The following ADAM23 variants were observed in gnomAD, a reference collection of about 807,000 sequenced individuals.
ADAM23 encodes disintegrin and metalloproteinase domain-containing protein 23.
A neutral mutation model predicts 120.1 loss-of-function variants in ADAM23; 33 were observed. The ratio of observed to expected loss-of-function variants is 0.27; its 90% CI spans 0.21 to 0.37. The LOEUF (loss-of-function observed/expected upper bound fraction) is 0.37. Ranked by LOEUF, ADAM23 falls within the 10% of genes least tolerant of loss-of-function variation. The pLI, the probability that ADAM23 is intolerant of heterozygous loss-of-function variation, is 1.00. For synonymous variants in ADAM23, 367 were observed against 375.2 expected (o/e 0.98, Z 0.25); for missense variants, 862 against 1,058.2 (o/e 0.81, Z 2.57).
At chr2:206,608,452 T>C (rs1698769514) in intron 24 of ADAM23, among the ~76,000 whole-genome samples, 1 of 152,208 alleles carries the variant, frequency 6.6e-6, no homozygotes, top group Admixed American at 6.5e-5. Flanking sequence ...TCCCACCTCA[T>C]ACGATTTTTG....
intron 2 of ADAM23, 22 bp downstream of exon 2, chr2:206,445,546 C>G (rs1559209766): frequency 2.5e-6 from 4 of 1,579,730 alleles, no homozygotes; most frequent in Non-Finnish European, 3.5e-6. Context: ...GCTGGCTATG[C>G]AAAAGTAACT....
At chr2:206,458,893 G>A (rs1344782855) in intron 2 of ADAM23, among the ~76,000 whole-genome samples, 1 of 152,114 alleles carries the variant, frequency 6.6e-6, no homozygotes, top group Non-Finnish European at 1.5e-5. Context: ...AAATAGAATA[G>A]GACATAGACC....
intron 25 of ADAM23, among the ~76,000 whole-genome samples, chr2:206,613,662 G>T (rs1176858636): frequency 1.3e-5 from 2 of 152,102 alleles, no homozygotes; most frequent in Non-Finnish European, 2.9e-5. Context: ...ATTAAATGAT[G>T]ATACTGCTTG....
rs75263331 is a variant in ADAM23, at chr2:206,448,955, C to A, written c.432+3431C>A. 2.0e-5 allele frequency among the ~76,000 whole-genome samples: 3 copies of A among 152,318 alleles called. No individual in the cohort carries two copies. In the East Asian group the frequency reaches 5.8e-4, roughly 29 times the overall value. ...GTGGCTACCCTAGTTTATAGCTGAT[C>A]TGTCAGGAGCACAGGCCTCCATCTG... On this transcript the variant is annotated intron_variant, in intron 2 of 25. Coordinates refer to ENST00000264377, the MANE Select transcript of ADAM23 (RefSeq NM_003812.4).
chr2:206,540,358 A>C (rs1315528677), intron 4 of ADAM23, among the ~76,000 whole-genome samples: 1 of 152,002 alleles, frequency 6.6e-6, no homozygotes, highest in African/African-American at 2.4e-5. Flanking sequence ...GTGCATATAG[A>C]GGGCTGACTT....
intron 3 of ADAM23, among the ~76,000 whole-genome samples, chr2:206,522,427 A>T (rs1696863244): frequency 6.6e-6 from 1 of 152,134 alleles, no homozygotes; most frequent in Non-Finnish European, 1.5e-5. Flanking sequence ...ACACCATATA[A>T]ACAGATGTGC....
chr2:206,566,012 G>A (rs535343666), intron 14 of ADAM23, among the ~76,000 whole-genome samples: 2 of 152,128 alleles, frequency 1.3e-5, no homozygotes, highest in African/African-American at 4.8e-5. Flanking sequence ...GAAACCCTTA[G>A]CTTCCACGGT....
chr2:206,516,166 C>T (rs571463959), intron 3 of ADAM23, among the ~76,000 whole-genome samples: 1 of 151,240 alleles, frequency 6.6e-6, no homozygotes, highest in Non-Finnish European at 1.5e-5. Flanking sequence ...CACGTTCCCC[C>T]ACCCCAACTC....
At position 206,465,127 on chromosome 2, in the gene ADAM23, C is replaced by T. The variant is rs1695517718; in HGVS notation, c.433-16105C>T. Among the ~76,000 whole-genome samples the T allele has an allele frequency of 2.0e-5, 3 of 152,042 alleles. No homozygotes were observed. In the South Asian group the frequency reaches 6.2e-4, roughly 32 times the overall value. On this transcript the variant is annotated intron_variant, in intron 2 of 25. Transcript: ENST00000264377. Reference sequence around the variant, plus strand: ...GTGGTGTGATCGTTGCTCGCCGTAGCCTCAAACTTTTGGGCTTAAGCAATC... The same window carrying T: ...GTGGTGTGATCGTTGCTCGCCGTAGTCTCAAACTTTTGGGCTTAAGCAATC...
At chr2:206,573,281 C>A in intron 18 of ADAM23, 86 bp downstream of exon 18, 1 of 1,327,656 alleles carries the variant, frequency 7.5e-7, no homozygotes, top group Non-Finnish European at 1.1e-6. Context: ...AGAAGTGTTT[C>A]AGATTTAAGA....
intron 19 of ADAM23, 45 bp downstream of exon 19, chr2:206,587,420 T>A (rs762059927): frequency 2.3e-5 from 32 of 1,384,530 alleles, no homozygotes; most frequent in Non-Finnish European, 3.0e-5. Flanking sequence ...AAAGGATTCA[T>A]TGGAAAGTTT....
chr2:206,493,600 C>T (rs777502547), intron 3 of ADAM23, among the ~76,000 whole-genome samples: 37 of 152,130 alleles, frequency 2.4e-4, no homozygotes, highest in African/African-American at 7.2e-4. Context: ...CTCGAACTCC[C>T]GACCTCAGGT....
intron 3 of ADAM23, among the ~76,000 whole-genome samples, chr2:206,504,872 G>C (rs538445481): frequency 6.6e-6 from 1 of 152,252 alleles, no homozygotes; most frequent in East Asian, 1.9e-4. Context: ...GTAAGCTGTA[G>C]ATTATGTATG....
At chr2:206,571,952 G>T (rs1407328759) in intron 17 of ADAM23, 136 bp downstream of exon 17, 6 of 653,614 alleles carry the variant, frequency 9.2e-6, no homozygotes, top group Non-Finnish European at 1.0e-5. Context: ...AGTTTTCTAG[G>T]ATCGATAAAT....
chr2:206,544,802 C>T lies in ADAM23; in HGVS notation c.720+1486C>T, dbSNP rs551463256. Among the ~76,000 whole-genome samples, 8 of 151,872 alleles carry T rather than the reference C, an allele frequency of 5.3e-5. No individual in the cohort carries two copies. In the East Asian group the frequency reaches 5.8e-4, roughly 11 times the overall value. On this transcript the variant is annotated intron_variant, in intron 6 of 25. Transcript: ENST00000264377. ...TAATTTTTTGTATTTTTAGTAGAGACGGGATTTCACCGTGTTAGCCAGGAT... is the reference window on the plus strand; with the variant it reads ...TAATTTTTTGTATTTTTAGTAGAGATGGGATTTCACCGTGTTAGCCAGGAT...
Position 206,557,450 on chromosome 2 carries a change from T to C in ADAM23, c.957T>C (p.His319=), listed in dbSNP as rs1574532394. ...HKTYKKHRSS[H]AHTNNFAKSV... ...AGTATAAGAAGCATCGCTCTTCTCA[T>C]GCACATACCAACAACTTTGCAAAGT... The change falls in exon 10 of 26, where the codon CAT becomes CAC. Residue 319 remains histidine (H), a synonymous_variant. Coordinates refer to ENST00000264377, the MANE Select transcript of ADAM23 (RefSeq NM_003812.4). 1 of 1,613,888 alleles carries C rather than the reference T, an allele frequency of 6.2e-7. No homozygotes were observed. Among genetic ancestry groups the C allele is most frequent in the African/African-American group, 1.3e-5 (1 of 75,050 alleles).
At chr2:206,502,570 C>T (rs1226908103) in intron 3 of ADAM23, among the ~76,000 whole-genome samples, 2 of 152,040 alleles carry the variant, frequency 1.3e-5, no homozygotes, top group African/African-American at 2.4e-5. Flanking sequence ...ACTTCAGGTA[C>T]AGAGGGCTGT....
intron 3 of ADAM23, among the ~76,000 whole-genome samples, chr2:206,510,011 C>G (rs1490757813): frequency 6.6e-6 from 1 of 152,180 alleles, no homozygotes; most frequent in East Asian, 1.9e-4. Flanking sequence ...TGTAGATTGT[C>G]AGACCCAATT....
intron 21 of ADAM23, among the ~76,000 whole-genome samples, chr2:206,590,729 G>A (rs1366998565): frequency 6.6e-6 from 1 of 152,174 alleles, no homozygotes; most frequent in Non-Finnish European, 1.5e-5. Flanking sequence ...CTTCTTATCT[G>A]ATGTCTCATA....
Sources: allele counts gnomAD v4.1 joint callset (sites outside exome capture counted in the v4.1 genomes callset), GRCh38; gene constraint gnomAD v4.1.1; transcripts MANE v1.5; gene names NCBI Gene and HGNC (gene_info 2026-07-23, HGNC 2026-07-21).